ATF6: variants seen among roughly 807,000 people sequenced by gnomAD.
ATF6 encodes cyclic AMP-dependent transcription factor ATF-6 alpha.
ATF6 carries 53 observed loss-of-function variants against 83.6 expected under a neutral mutation model. The ratio of observed to expected loss-of-function variants is 0.63; its 90% CI spans 0.51 to 0.80. The LOEUF (loss-of-function observed/expected upper bound fraction) is 0.80, where lower values mean the gene tolerates loss of function less well. ATF6 is among the 30% of genes least tolerant of loss of function. ATF6 has a pLI of 0.00. For missense variants in ATF6, 744 were observed against 797.9 expected, an observed-to-expected ratio of 0.93 and a Z score of 0.81; for synonymous variants, 288 against 285.8, an observed-to-expected ratio of 1.01 and a Z score of -0.08.
chr1:161,820,970 G>T, intron 8 of ATF6, 100 bp from the exon 9 acceptor site: 2 of 650,840 alleles, frequency 3.1e-6, no homozygotes, highest in South Asian at 2.7e-5. Flanking sequence ...TAAGACAAGA[G>T]ATTTACGTAA....
At chr1:161,921,489 A>G (rs769544105) in intron 15 of ATF6, among the ~76,000 whole-genome samples, 1 of 152,234 alleles carries the variant, frequency 6.6e-6, no homozygotes, top group Non-Finnish European at 1.5e-5. Flanking sequence ...ATGGGAAGAA[A>G]GGAAAAATTT....
chr1:161,902,158 T>C (rs1008785320), intron 14 of ATF6, among the ~76,000 whole-genome samples: 6 of 152,210 alleles, frequency 3.9e-5, no homozygotes, highest in Non-Finnish European at 8.8e-5. Context: ...GCTTAATGGG[T>C]TACCCTTGCC....
At chr1:161,843,152 C>A (rs1686399008) in intron 9 of ATF6, among the ~76,000 whole-genome samples, 1 of 152,110 alleles carries the variant, frequency 6.6e-6, no homozygotes, top group South Asian at 2.1e-4. Flanking sequence ...CAGACTGGAG[C>A]CATTTAGACG....
intron 1 of ATF6, among the ~76,000 whole-genome samples, chr1:161,777,096 C>T (rs1361021939): frequency 1.3e-5 from 2 of 152,098 alleles, no homozygotes; most frequent in African/African-American, 4.8e-5. Flanking sequence ...ATGAGTTTAC[C>T]ATTGAATTTA....
chr1:161,821,859 C>G (rs1281580985), intron 9 of ATF6, among the ~76,000 whole-genome samples: 1 of 152,012 alleles, frequency 6.6e-6, no homozygotes, highest in Non-Finnish European at 1.5e-5. Flanking sequence ...TGAGGTGTTT[C>G]AGGTAATAAA....
intron 13 of ATF6, 61 bp downstream of exon 13, chr1:161,860,338 T>G (rs1250917820): frequency 4.7e-6 from 6 of 1,274,148 alleles, no homozygotes; most frequent in Non-Finnish European, 6.4e-6. Context: ...TTAAGAAAGT[T>G]GAAATTCACA....
chr1:161,795,351 C>T (rs1232572285), intron 6 of ATF6, among the ~76,000 whole-genome samples: 1 of 152,142 alleles, frequency 6.6e-6, no homozygotes, highest in Admixed American at 6.5e-5. Flanking sequence ...AGACACTCTT[C>T]TAAGTGCTTA....
intron 14 of ATF6, among the ~76,000 whole-genome samples, chr1:161,865,903 A>C (rs1686987634): frequency 1.3e-5 from 2 of 152,174 alleles, no homozygotes; most frequent in African/African-American, 4.8e-5. Context: ...TTGTTCTTTA[A>C]TACCTGGATT....
intron 9 of ATF6, among the ~76,000 whole-genome samples, chr1:161,834,331 G>A (rs577458447): frequency 3.9e-4 from 59 of 152,016 alleles, no homozygotes; most frequent in Non-Finnish European, 6.3e-4. Flanking sequence ...GCACACGTAT[G>A]TTTATTGCGG....
rs761462420 is a variant in ATF6 at position 161,807,865 on chromosome 1, C to CTTTTTTTTTTT, written c.909+5615_909+5625dup. 3.1e-4 allele frequency among the ~76,000 whole-genome samples: 10 copies of CTTTTTTTTTTT among 32,342 alleles called. 2 individuals are homozygous for CTTTTTTTTTTT. The highest frequency in any genetic ancestry group is 5.7e-4 in the African/African-American group (5 of 8,762). The allele number at this position is 32,342 out of a possible 152,430, so 21.2% of individuals were successfully genotyped here. On this transcript the variant is annotated intron_variant, in intron 7 of 15. Coordinates refer to ENST00000367942, the MANE Select transcript of ATF6 (RefSeq NM_007348.4). ...CTTTTTGTACTTTTTAGTTTGTCAT[C>CTTTTTTTTTTT]TTTTTTTTTTTTTTTTTTTTTTTTT...
rs1688603132 is a variant in ATF6, at chr1:161,939,501, A to G, written c.1805-18945A>G. On this transcript the variant is annotated intron_variant, in intron 15 of 15. Transcript: ENST00000367942. ...AGGCTACTATGACAGAGGCCCCAGA[A>G]TGAAGGTGCCTAAACAAGATGAAAG... Among the ~76,000 whole-genome samples the G allele has an allele frequency of 3.3e-5, 5 of 152,242 alleles. No individual in the cohort carries two copies. In the South Asian group the frequency reaches 1.0e-3, roughly 32 times the overall value.
chr1:161,911,453 A>G (rs1317592973), intron 14 of ATF6, among the ~76,000 whole-genome samples: 1 of 152,218 alleles, frequency 6.6e-6, no homozygotes, highest in Non-Finnish European at 1.5e-5. Flanking sequence ...TCTGAAGCCA[A>G]GCTTCTCTTG....
chr1:161,848,987 C>T (rs1042793293), intron 10 of ATF6, among the ~76,000 whole-genome samples: 7 of 151,346 alleles, frequency 4.6e-5, no homozygotes, highest in Non-Finnish European at 1.0e-4. Flanking sequence ...AGCCAGTTAG[C>T]ACAGATGTGC....
rs534691925 is a variant in ATF6, at chr1:161,880,077, C to G, written c.1719+16765C>G. Among the ~76,000 whole-genome samples, 121 of 152,024 alleles carry G rather than the reference C, an allele frequency of 8.0e-4. 1 individual carries two copies. The highest frequency in any genetic ancestry group is 1.2e-3 in the Non-Finnish European group (82 of 67,980). On this transcript the variant is annotated intron_variant, in intron 14 of 15. Coordinates refer to ENST00000367942, the MANE Select transcript of ATF6 (RefSeq NM_007348.4). ...ACTTGGAAGACTAATTGTCTTTATA[C>G]AAAAATAAAATCCTTGTGTTCAGAT...
intron 11 of ATF6, 28 bp from the exon 12 acceptor site, chr1:161,853,185 TTAATTTCTATG>T: frequency 7.5e-7 from 1 of 1,336,314 alleles, no homozygotes; most frequent in Non-Finnish European, 1.0e-6. Context: ...CTATGTTTAA[TTAATTTCTATG>T]TTTAATTAAT....
intron 14 of ATF6, among the ~76,000 whole-genome samples, chr1:161,904,063 C>T (rs1687840434): frequency 1.3e-5 from 2 of 152,130 alleles, no homozygotes; most frequent in Non-Finnish European, 1.5e-5. Flanking sequence ...CTACCATTGG[C>T]ACTGTTTTTG....
chr1:161,889,693 C>T (rs183270754), intron 14 of ATF6, among the ~76,000 whole-genome samples: 4 of 152,322 alleles, frequency 2.6e-5, no homozygotes, highest in Admixed American at 2.0e-4. Flanking sequence ...ATGAACCTAA[C>T]TGTATTAAAG....
At chr1:161,861,466 A>G (rs1306766339) in intron 13 of ATF6, among the ~76,000 whole-genome samples, 1 of 152,198 alleles carries the variant, frequency 6.6e-6, no homozygotes, top group African/African-American at 2.4e-5. Context: ...AATATGTTTA[A>G]ATAATAACTA....
At chr1:161,784,559 G>A (rs962938906) in intron 4 of ATF6, among the ~76,000 whole-genome samples, 1 of 152,122 alleles carries the variant, frequency 6.6e-6, no homozygotes, top group Non-Finnish European at 1.5e-5. Context: ...TAGAAGTCTG[G>A]TAGCTCTTTT....
Sources: allele counts gnomAD v4.1 joint callset (sites outside exome capture counted in the v4.1 genomes callset), GRCh38; gene constraint gnomAD v4.1.1; transcripts MANE v1.5; gene names NCBI Gene and HGNC (gene_info 2026-07-23, HGNC 2026-07-21).